Variants in ROCK1 observed in about 807,000 individuals in gnomAD.
ROCK1 encodes the protein rho-associated protein kinase 1.
Under a neutral mutation model 196.8 loss-of-function variants are expected in ROCK1, and 36 were observed. The ratio of observed to expected loss-of-function variants is 0.18; its 90% confidence interval spans 0.14 to 0.24. ROCK1 has a LOEUF of 0.24. Among genes scored for constraint, ROCK1 ranks in the 10% least tolerant of loss-of-function variants. The pLI, the probability that ROCK1 is intolerant of heterozygous loss-of-function variation, is 1.00. For missense variants in ROCK1, 920 were observed against 1,562.0 expected (o/e 0.59, Z 6.93); for synonymous variants, 443 against 515.9 (o/e 0.86, Z 1.91).
intron 2 of ROCK1, among the ~76,000 whole-genome samples, chr18:21,060,926 C>T (rs1052983427): frequency 1.4e-5 from 2 of 147,466 alleles, no homozygotes; most frequent in African/African-American, 5.0e-5. Flanking sequence ...TTGCCCCAAA[C>T]AGGAAATAAC....
chr18:20,986,860 A>G, intron 19 of ROCK1, 90 bp downstream of exon 19: 1 of 1,138,466 alleles, frequency 8.8e-7, no homozygotes, highest in East Asian at 2.4e-5. Flanking sequence ...AATCTCCTTC[A>G]TGGTGTTTAA....
rs1325681285 is a variant in ROCK1 at position 21,042,702 on chromosome 18, A to G, written c.683T>C (p.Met228Thr). ...TCCAACCGCTGTATCACATCGTACC[A>G]TGCCTTCCTAAAAAGCGCGGCAGGT... ...GTCMKMNKEG[M>T]VRCDTAVGTP... Residue 228 changes from methionine (M) to threonine (T), a missense_variant, in exon 7 of 33, where the codon ATG (methionine) becomes ACG (threonine). Coordinates refer to ENST00000399799, the MANE Select transcript of ROCK1 (RefSeq NM_005406.3). 1 of 1,602,026 alleles carries G rather than the reference A, an allele frequency of 6.2e-7. No homozygotes were observed. Among genetic ancestry groups the G allele is most frequent in the Non-Finnish European group, 8.5e-7 (1 of 1,175,454 alleles).
chr18:20,969,284 A>T, intron 23 of ROCK1, 76 bp from the exon 24 acceptor site: 1 of 822,592 alleles, frequency 1.2e-6, no homozygotes, highest in East Asian at 2.5e-5. Flanking sequence ...CTTTAAATAT[A>T]CTGCTAGATA....
Position 20,987,034 on chromosome 18 carries a change from C to T in ROCK1, c.2220G>A (p.Gln740=). Residue 740 remains glutamine (Q), a synonymous_variant, in exon 19 of 33, where the codon CAG becomes CAA. Transcript: ENST00000399799. ...AENRVVQIEK[Q]CSMLDVDLKQ... is the part of the protein sequence containing the mutation. The stretch of plus-strand genomic sequence containing the variant: ...TCAGATCAACGTCTAGCATGGAACA[C>T]TGTTTCTCAATCTGAACAACCCGAT... 1.2e-6 allele frequency: 2 copies of T among 1,612,828 alleles called. No homozygotes were observed. The highest frequency in any genetic ancestry group is 1.7e-6 in the Non-Finnish European group (2 of 1,179,644).
At chr18:20,988,421 T>C (rs2035595423) in intron 18 of ROCK1, among the ~76,000 whole-genome samples, 1 of 152,126 alleles carries the variant, frequency 6.6e-6, no homozygotes. Flanking sequence ...TCTTTCCCTC[T>C]CTACTACTAC....
intron 7 of ROCK1, 121 bp downstream of exon 7, chr18:21,042,444 T>C: frequency 2.5e-6 from 3 of 1,196,296 alleles, no homozygotes; most frequent in Middle Eastern, 2.9e-4. Flanking sequence ...GTTTGGATCA[T>C]GTTTATTACC....
chr18:20,954,650 C>A, intron 31 of ROCK1, 133 bp downstream of exon 31: 2 of 821,974 alleles, frequency 2.4e-6, no homozygotes, highest in Non-Finnish European at 3.8e-6. Flanking sequence ...CTGCATATTG[C>A]CCCACCAGTG....
At chr18:20,998,103 C>G (rs2035688861) in intron 16 of ROCK1, among the ~76,000 whole-genome samples, 1 of 152,080 alleles carries the variant, frequency 6.6e-6, no homozygotes, top group Admixed American at 6.5e-5. Flanking sequence ...TCCCAAAGTG[C>G]TGGGATGACA....
chr18:20,969,019 T>C (rs1328084067), intron 24 of ROCK1, 96 bp downstream of exon 24: 1 of 917,248 alleles, frequency 1.1e-6, no homozygotes, highest in African/African-American at 1.7e-5. Flanking sequence ...TTACTTAATA[T>C]ATGAAAACAG....
chr18:21,072,171 C>T (rs2036391225), intron 1 of ROCK1, among the ~76,000 whole-genome samples: 1 of 152,086 alleles, frequency 6.6e-6, no homozygotes, highest in Non-Finnish European at 1.5e-5. Flanking sequence ...TTTGCGTGAC[C>T]AAGTATTTGA....
chr18:21,028,673 G>T, intron 10 of ROCK1, 103 bp downstream of exon 10: 2 of 955,166 alleles, frequency 2.1e-6, no homozygotes, highest in South Asian at 1.9e-5. Flanking sequence ...GCATAATAAG[G>T]TGTATCTTTA....
chr18:21,066,180 G>A (rs1292164638), intron 2 of ROCK1, among the ~76,000 whole-genome samples: 1 of 152,078 alleles, frequency 6.6e-6, no homozygotes, highest in Non-Finnish European at 1.5e-5. Flanking sequence ...CTATTGCTCT[G>A]TGTGAAACAT....
intron 31 of ROCK1, 44 bp downstream of exon 31, chr18:20,954,739 A>C (rs1760497657): frequency 6.5e-7 from 1 of 1,536,868 alleles, no homozygotes; most frequent in Non-Finnish European, 8.8e-7. Flanking sequence ...TGAGACTTAA[A>C]ATTAAATTTG....
At chr18:21,012,703 T>C (rs1265034462) in intron 13 of ROCK1, among the ~76,000 whole-genome samples, 1 of 152,224 alleles carries the variant, frequency 6.6e-6, no homozygotes, top group Admixed American at 6.5e-5. Context: ...TTTGTTGAAT[T>C]TTCTGTCGTC....
chr18:21,053,763 G>A (rs141411217), intron 2 of ROCK1, among the ~76,000 whole-genome samples: 139 of 152,290 alleles, frequency 9.1e-4, no homozygotes, highest in African/African-American at 3.0e-3. Flanking sequence ...CTTGAGCCTA[G>A]GAGTTCAAGG....
chr18:21,003,893 G>T (rs927692752), intron 16 of ROCK1, among the ~76,000 whole-genome samples: 1 of 151,794 alleles, frequency 6.6e-6, no homozygotes, highest in African/African-American at 2.4e-5. Flanking sequence ...AGCACTTCTG[G>T]TTCCAAGCAA....
At chr18:21,018,332 C>T (rs2035882362) in intron 12 of ROCK1, among the ~76,000 whole-genome samples, 1 of 151,970 alleles carries the variant, frequency 6.6e-6, no homozygotes, top group South Asian at 2.1e-4. Flanking sequence ...GAGCTCGAGA[C>T]CAGCCTGGTC....
Position 21,006,725 on chromosome 18 carries a change from C to G in ROCK1, c.1612G>C (p.Glu538Gln). 1 of 1,604,418 alleles carries G rather than the reference C, an allele frequency of 6.2e-7. No individual in the cohort carries two copies. Among genetic ancestry groups the G allele is most frequent in the Non-Finnish European group, 8.5e-7 (1 of 1,177,332 alleles). ...TGCTTTTGTAACTGGGACAGCTTCT[C>G]ATTAGCAAGCTGTGAATTCTGACTG... ...KVSQNSQLANEKLSQLQKQLE... is the reference protein window; with the variant it reads ...KVSQNSQLANQKLSQLQKQLE... Residue 538 changes from glutamate to glutamine, a missense_variant, in exon 15 of 33, where the codon GAG becomes CAG. By Grantham distance (29) the Glu-to-Gln change is conservative. This residue lies in a region of ROCK1 where 520 missense variants were observed against 657.1 expected (regional missense o/e 0.79). Transcript: ENST00000399799.
chr18:21,066,391 G>A (rs2036334867), intron 2 of ROCK1, among the ~76,000 whole-genome samples: 1 of 151,968 alleles, frequency 6.6e-6, no homozygotes, highest in Admixed American at 6.6e-5. Context: ...TTTTCTTGAA[G>A]TAACATATTG....
Sources: allele counts gnomAD v4.1 joint callset (sites outside exome capture counted in the v4.1 genomes callset), GRCh38; gene constraint gnomAD v4.1.1; regional missense constraint gnomAD v4.1.1; transcripts MANE v1.5; gene names NCBI Gene and HGNC (gene_info 2026-07-23, HGNC 2026-07-21).